KCNIP1: variants seen among roughly 807,000 people sequenced by gnomAD.
The protein encoded by KCNIP1 is A-type potassium channel modulatory protein KCNIP1.
Under a neutral mutation model 33.0 loss-of-function variants are expected in KCNIP1, and 18 were observed. The ratio of observed to expected loss-of-function variants is 0.55; its 90% CI spans 0.38 to 0.81. KCNIP1 has a LOEUF of 0.81. KCNIP1 is among the 30% of genes least tolerant of loss of function. The probability of loss-of-function intolerance (pLI) is 0.00; values close to 1 mark genes in which losing one functional copy is unlikely to be tolerated. For missense variants in KCNIP1, 238 were observed against 271.6 expected, an observed-to-expected ratio of 0.88 and a Z score of 0.87; for synonymous variants, 93 against 98.3, an observed-to-expected ratio of 0.95 and a Z score of 0.32.
At chr5:170,561,117 T>G (rs1447229093) in intron 1 of KCNIP1, 1 of 455,902 alleles carries the variant, frequency 2.2e-6, no homozygotes, top group African/African-American at 2.0e-5. Flanking sequence ...GTAATTAATG[T>G]GGGCAGTGAT....
In KCNIP1 at chr5:170,497,664, T is replaced by C. The variant is rs1192131510; in HGVS notation, c.88+143700T>C. Among the ~76,000 whole-genome samples, 5 of 152,316 alleles carry C rather than the reference T, an allele frequency of 3.3e-5. No individual in the cohort carries two copies. The East Asian group carries it at 9.7e-4, about 29-fold the overall frequency. On this transcript the variant is annotated intron_variant, in intron 1 of 7. Transcript: ENST00000377360. Reference sequence around the variant, plus strand: ...TGTCCACCCCCAGACAGCCATTTGATCAATATTCATGAAATATCTGCCTTG... The same window carrying C: ...TGTCCACCCCCAGACAGCCATTTGACCAATATTCATGAAATATCTGCCTTG...
chr5:170,689,835 C>A (rs1762660762), intron 1 of KCNIP1, among the ~76,000 whole-genome samples: 1 of 152,152 alleles, frequency 6.6e-6, no homozygotes, highest in African/African-American at 2.4e-5. Context: ...GCCCATCAGG[C>A]CAGGAGCCCC....
At chr5:170,413,818 C>G (rs1005662874) in intron 1 of KCNIP1, among the ~76,000 whole-genome samples, 3 of 151,926 alleles carry the variant, frequency 2.0e-5, no homozygotes, top group Non-Finnish European at 4.4e-5. Context: ...ACTCAGAAGC[C>G]ACTCACTTCT....
At chr5:170,687,698 CTTGCCTCAGAAG>C (rs1426815799) in intron 1 of KCNIP1, among the ~76,000 whole-genome samples, 1 of 152,196 alleles carries the variant, frequency 6.6e-6, no homozygotes, top group Non-Finnish European at 1.5e-5. Flanking sequence ...TGCACCAGCC[CTTGCCTCAGAAG>C]GCAAGGTTTG....
chr5:170,570,767 G>C (rs1757379843), intron 1 of KCNIP1, among the ~76,000 whole-genome samples: 1 of 152,248 alleles, frequency 6.6e-6, no homozygotes, highest in African/African-American at 2.4e-5. Flanking sequence ...CCGAACAGGA[G>C]ATGCCTCCTG....
At chr5:170,647,532 T>C (rs1307118647) in intron 1 of KCNIP1, among the ~76,000 whole-genome samples, 1 of 151,216 alleles carries the variant, frequency 6.6e-6, no homozygotes, top group Non-Finnish European at 1.5e-5. Flanking sequence ...GCAAAGACAG[T>C]TTTTTCAACA....
chr5:170,511,820 G>A (rs776435689), intron 1 of KCNIP1, among the ~76,000 whole-genome samples: 1 of 152,230 alleles, frequency 6.6e-6, no homozygotes, highest in Admixed American at 6.5e-5. Flanking sequence ...CAGACCCTGA[G>A]CTTCTAACTG....
Position 170,504,380 on chromosome 5 carries a change from A to C in KCNIP1, c.-193A>C. 1 of 1,433,556 alleles carries C rather than the reference A, an allele frequency of 7.0e-7. No homozygotes were observed. Among genetic ancestry groups the C allele is most frequent in the South Asian group, 1.5e-5 (1 of 66,716 alleles). 88.8% of individuals were successfully genotyped at this position (1,433,556 alleles called of 1,614,324 possible). On this transcript the variant is annotated 5_prime_UTR_variant, in exon 1 of 8. An upstream start codon of the reference 5' UTR is lost. Transcript: ENST00000328939. This position sits in a 1 kb window ranked among gnomAD's most constrained non-coding sequence, Gnocchi z 6.0. ...GGAGCGGCTAGCCCTGAGTCCCTGC[A>C]TGTGCGGGGCTGAAGAAGGAAGCCA...
chr5:170,378,864 G>C (rs764919980), intron 1 of KCNIP1: 2 of 1,614,268 alleles, frequency 1.2e-6, no homozygotes, highest in African/African-American at 1.3e-5. Context: ...GTTCCCCCGA[G>C]GTGCGGAGAA....
intron 2 of KCNIP1, 99 bp from the exon 3 acceptor site, chr5:170,720,222 C>G (rs1332356850): frequency 1.2e-6 from 1 of 828,836 alleles, no homozygotes; most frequent in East Asian, 2.6e-5. Flanking sequence ...GTCCCTGTCC[C>G]TGGGGATCAT....
chr5:170,501,847 C>T (rs114270825), upstream of KCNIP1, among the ~76,000 whole-genome samples: 1 of 152,242 alleles, frequency 6.6e-6, no homozygotes, highest in East Asian at 1.9e-4. Context: ...TGACCCCAAG[C>T]TTCAGCCTCG....
intron 1 of KCNIP1, among the ~76,000 whole-genome samples, chr5:170,661,317 A>G (rs1761476998): frequency 6.6e-6 from 1 of 152,200 alleles, no homozygotes; most frequent in African/African-American, 2.4e-5. Flanking sequence ...CTGCGTGTAC[A>G]TTGACATGCA....
chr5:170,660,322 G>T (rs1398501327), intron 1 of KCNIP1, among the ~76,000 whole-genome samples: 1 of 146,492 alleles, frequency 6.8e-6, no homozygotes, highest in African/African-American at 2.5e-5. Context: ...CCATACCAAA[G>T]AAAATGGAAA....
intron 1 of KCNIP1, among the ~76,000 whole-genome samples, chr5:170,560,275 C>T (rs928504605): frequency 6.6e-6 from 1 of 152,114 alleles, no homozygotes; most frequent in African/African-American, 2.4e-5. Context: ...CTTGAGCCAG[C>T]GAGACGTACA....
intron 1 of KCNIP1, among the ~76,000 whole-genome samples, chr5:170,366,823 G>T (rs77155997): frequency 6.6e-6 from 1 of 152,206 alleles, no homozygotes; most frequent in Non-Finnish European, 1.5e-5. Context: ...CCACACAGCC[G>T]ATGACTCATA....
At position 170,394,619 on chromosome 5, in the gene KCNIP1, T is replaced by C. The variant is rs529146249; in HGVS notation, c.88+40655T>C. On this transcript the variant is annotated intron_variant, in intron 1 of 7. Transcript: ENST00000377360. ...TTCTTTCTTGAATTTTAATTATAGA[T>C]TCGGGGGATACACGTGCAGGTTTGT... 3.9e-5 allele frequency among the ~76,000 whole-genome samples: 6 copies of C among 152,244 alleles called. No homozygotes were observed. The South Asian group carries it at 1.0e-3, about 26-fold the overall frequency.
intron 1 of KCNIP1, among the ~76,000 whole-genome samples, chr5:170,407,727 G>C (rs1253879601): frequency 6.6e-6 from 1 of 152,128 alleles, no homozygotes; most frequent in African/African-American, 2.4e-5. Flanking sequence ...CTTCCTGAGG[G>C]CAGGGCAAAC....
intron 1 of KCNIP1, among the ~76,000 whole-genome samples, chr5:170,675,039 C>T (rs1762076320): frequency 6.6e-6 from 1 of 151,994 alleles, no homozygotes; most frequent in African/African-American, 2.4e-5. Flanking sequence ...CAGTGGCTCC[C>T]ACCTGTAATC....
chr5:170,384,000 A>C (rs536543385), intron 1 of KCNIP1: 1 of 735,778 alleles, frequency 1.4e-6, no homozygotes, highest in East Asian at 2.7e-5. Flanking sequence ...ATAAAGGCAC[A>C]TGACCCCACA....
Sources: allele counts gnomAD v4.1 joint callset (sites outside exome capture counted in the v4.1 genomes callset), GRCh38; gene constraint gnomAD v4.1.1; non-coding constraint Gnocchi (gnomAD v3.1); transcripts MANE v1.5; gene names NCBI Gene and HGNC (gene_info 2026-07-23, HGNC 2026-07-21).